The following STK33 variants were observed in gnomAD, a reference collection of about 807,000 sequenced individuals.
The protein encoded by STK33 is serine/threonine-protein kinase 33.
In STK33, 52 loss-of-function variants were observed where a neutral mutation model predicts 58.0. The ratio of observed to expected loss-of-function variants is 0.90; its 90% CI spans 0.72 to 1.13. STK33 has a LOEUF of 1.13. Among genes scored for constraint, STK33 ranks in the 50% most tolerant of loss-of-function variants. The pLI, the probability that STK33 is intolerant of heterozygous loss-of-function variation, is 0.00. For missense variants in STK33, 630 were observed against 604.2 expected (o/e 1.04, Z -0.45); for synonymous variants, 215 against 200.1 (o/e 1.07, Z -0.63).
chr11:8,371,110 A>G, the STK33 span, among the ~76,000 whole-genome samples: 2 of 152,178 alleles, frequency 1.3e-5, no homozygotes, highest in African/African-American at 2.4e-5. Context: ...GTAATGGGCT[A>G]AAGGGTGTCC....
At chr11:8,574,861 A>T (rs1958067110) in intron 1 of STK33, among the ~76,000 whole-genome samples, 1 of 151,772 alleles carries the variant, frequency 6.6e-6, no homozygotes, top group Non-Finnish European at 1.5e-5. Context: ...CAACATAATG[A>T]GGCCCCATCT....
At chr11:8,364,626 C>G in the STK33 span, among the ~76,000 whole-genome samples, 1 of 152,160 alleles carries the variant, frequency 6.6e-6, no homozygotes, top group African/African-American at 2.4e-5. Flanking sequence ...TTTGAACCAC[C>G]TTGTTGAGAG....
chr11:8,564,718 C>A (rs1957338695), intron 1 of STK33, among the ~76,000 whole-genome samples: 1 of 152,162 alleles, frequency 6.6e-6, no homozygotes, highest in Non-Finnish European at 1.5e-5. Flanking sequence ...TCACCATTAA[C>A]CTGTCACTTA....
chr11:8,551,504 T>C (rs1305166648), intron 1 of STK33, among the ~76,000 whole-genome samples: 1 of 152,168 alleles, frequency 6.6e-6, no homozygotes, highest in Non-Finnish European at 1.5e-5. Context: ...TTTGTTAGTA[T>C]TTTTTGGTGG....
intron 1 of STK33, among the ~76,000 whole-genome samples, chr11:8,497,037 G>C (rs1456127222): frequency 6.6e-6 from 1 of 151,714 alleles, no homozygotes; most frequent in Non-Finnish European, 1.5e-5. Context: ...GTATATTATT[G>C]ATACTCATTA....
At chr11:8,354,418 G>A in the STK33 span, among the ~76,000 whole-genome samples, 2 of 150,654 alleles carry the variant, frequency 1.3e-5, no homozygotes, top group Non-Finnish European at 2.9e-5. Flanking sequence ...CATACTCAGA[G>A]CTAGAAGCCT....
the STK33 span, among the ~76,000 whole-genome samples, chr11:8,364,602 A>C: frequency 6.6e-6 from 1 of 152,294 alleles, no homozygotes; most frequent in African/African-American, 2.4e-5. Flanking sequence ...ATGCCAGTAA[A>C]ATGGTGGCTG....
chr11:8,589,200 A>C (rs2032203611), intron 1 of STK33, among the ~76,000 whole-genome samples: 1 of 152,210 alleles, frequency 6.6e-6, no homozygotes, highest in Non-Finnish European at 1.5e-5. Context: ...GTTCACACAA[A>C]AACTTGTACA....
At chr11:8,508,945 C>T (rs542575830) in intron 1 of STK33, among the ~76,000 whole-genome samples, 5 of 152,000 alleles carry the variant, frequency 3.3e-5, no homozygotes, top group African/African-American at 1.2e-4. Flanking sequence ...AGAGGAACCC[C>T]GTCTCTACTA....
the STK33 span, among the ~76,000 whole-genome samples, chr11:8,377,834 C>T: frequency 6.6e-6 from 1 of 152,120 alleles, no homozygotes; most frequent in African/African-American, 2.4e-5. Flanking sequence ...AGAATCAAAT[C>T]AAGAACTTAA....
At chr11:8,439,845 G>C (rs1166080867) in intron 12 of STK33, among the ~76,000 whole-genome samples, 1 of 102,220 alleles carries the variant, frequency 9.8e-6, no homozygotes, top group Admixed American at 1.1e-4. Flanking sequence ...ATATGTATTA[G>C]ATTACATATA....
At chr11:8,453,177 C>A (rs1946485808) in intron 10 of STK33, among the ~76,000 whole-genome samples, 1 of 152,150 alleles carries the variant, frequency 6.6e-6, no homozygotes, top group African/African-American at 2.4e-5. Flanking sequence ...ATTCACCAGT[C>A]TAACATGAGA....
chr11:8,522,202 A>G (rs1953518539), intron 1 of STK33, among the ~76,000 whole-genome samples: 1 of 152,242 alleles, frequency 6.6e-6, no homozygotes, highest in South Asian at 2.1e-4. Context: ...ACTATTCACA[A>G]TAGCAAAGAC....
At chr11:8,495,267 C>G (rs563424424) in intron 1 of STK33, among the ~76,000 whole-genome samples, 1 of 152,118 alleles carries the variant, frequency 6.6e-6, no homozygotes, top group African/African-American at 2.4e-5. Flanking sequence ...ACAAACAACC[C>G]CATCAAAAAG....
chr11:8,446,026 T>C (rs1312613943), intron 11 of STK33, among the ~76,000 whole-genome samples: 3 of 152,112 alleles, frequency 2.0e-5, no homozygotes, highest in Admixed American at 2.0e-4. Context: ...TTTTGGTTGG[T>C]AGGATATTAA....
chr11:8,351,430 C>T, the STK33 span, among the ~76,000 whole-genome samples: 4 of 152,202 alleles, frequency 2.6e-5, no homozygotes, highest in African/African-American at 7.2e-5. Flanking sequence ...AGCCTCTGCC[C>T]GCCCCACCAT....
At chr11:8,507,799 G>A (rs748188951) in intron 1 of STK33, among the ~76,000 whole-genome samples, 1 of 152,174 alleles carries the variant, frequency 6.6e-6, no homozygotes, top group Non-Finnish European at 1.5e-5. Context: ...CCTATCACAA[G>A]GATCGTGCAG....
chr11:8,454,162 A>C (rs1946589843), intron 10 of STK33, among the ~76,000 whole-genome samples: 1 of 152,238 alleles, frequency 6.6e-6, no homozygotes, highest in African/African-American at 2.4e-5. Flanking sequence ...TGAGTTACTC[A>C]CAGACAACAT....
intron 1 of STK33, among the ~76,000 whole-genome samples, chr11:8,510,691 TGAG>T (rs1467757944): frequency 6.6e-6 from 1 of 152,172 alleles, no homozygotes; most frequent in African/African-American, 2.4e-5. Flanking sequence ...AGGTGAGAGA[TGAG>T]GATCCATTTT....
Sources: allele counts gnomAD v4.1 joint callset (sites outside exome capture counted in the v4.1 genomes callset), GRCh38; gene constraint gnomAD v4.1.1; transcripts MANE v1.5; gene names NCBI Gene and HGNC (gene_info 2026-07-23, HGNC 2026-07-21).